Variants in TPRG1 observed in about 807,000 individuals in gnomAD.
The protein encoded by TPRG1 is tumor protein p63 regulated 1, also known as tumor protein p63-regulated gene 1 protein.
Under a neutral mutation model 29.3 loss-of-function variants are expected in TPRG1, and 29 were observed. The ratio of observed to expected loss-of-function variants is 0.99; its 90% CI spans 0.74 to 1.35. TPRG1 has a LOEUF of 1.35. Ranked by LOEUF, TPRG1 falls within the 40% of genes most tolerant of loss-of-function variation. TPRG1 has a pLI of 0.00. For missense variants in TPRG1, 327 were observed against 335.0 expected (o/e 0.98, Z 0.19); for synonymous variants, 130 against 116.8 (o/e 1.11, Z -0.73).
intron 1 of TPRG1, among the ~76,000 whole-genome samples, chr3:189,201,635 A>T (rs1212522400): frequency 6.6e-6 from 1 of 152,058 alleles, no homozygotes; most frequent in South Asian, 2.1e-4. Flanking sequence ...CCTTTTTGTT[A>T]TACTCAAATT....
intron 4 of TPRG1, among the ~76,000 whole-genome samples, chr3:189,031,183 C>T (rs934938750): frequency 1.3e-5 from 2 of 151,920 alleles, no homozygotes; most frequent in East Asian, 1.9e-4. Flanking sequence ...CCCAGCTGCT[C>T]GGGAGGCTGA....
At chr3:189,149,553 G>A (rs1380083877) in intron 4 of TPRG1, among the ~76,000 whole-genome samples, 2 of 152,194 alleles carry the variant, frequency 1.3e-5, no homozygotes, top group Non-Finnish European at 2.9e-5. Flanking sequence ...CCCCTGATGG[G>A]CAAAGACTGT....
intron 5 of TPRG1, among the ~76,000 whole-genome samples, chr3:189,312,167 T>C (rs187779915): frequency 0.064 from 4,643 of 72,388 alleles, 432 homozygotes; most frequent in East Asian, 0.13. Flanking sequence ...CTTTCTTTCT[T>C]TCTTTCTTTC....
At chr3:189,290,210 A>G (rs1209904585) in intron 4 of TPRG1, among the ~76,000 whole-genome samples, 1 of 152,178 alleles carries the variant, frequency 6.6e-6, no homozygotes, top group Admixed American at 6.5e-5. Flanking sequence ...ATCTATTTCT[A>G]GATTTCACTT....
intron 3 of TPRG1, among the ~76,000 whole-genome samples, chr3:189,010,027 T>C (rs1211954516): frequency 2.0e-5 from 3 of 152,154 alleles, no homozygotes; most frequent in African/African-American, 7.2e-5. Flanking sequence ...CTCCCACTTA[T>C]AAGTGAGAAC....
At chr3:189,228,061 CA>C (rs1738042847) in intron 3 of TPRG1, among the ~76,000 whole-genome samples, 1 of 152,132 alleles carries the variant, frequency 6.6e-6, no homozygotes, top group Non-Finnish European at 1.5e-5. Context: ...GCGGAGGTTG[CA>C]GTGAGTCGAG....
At chr3:189,015,482 A>C (rs1306286196) in intron 3 of TPRG1, among the ~76,000 whole-genome samples, 1 of 152,222 alleles carries the variant, frequency 6.6e-6, no homozygotes, top group African/African-American at 2.4e-5. Context: ...AGAAATTTGC[A>C]TAAGTAAAGA....
At chr3:189,052,727 T>C (rs1715405026) in intron 4 of TPRG1, among the ~76,000 whole-genome samples, 1 of 150,484 alleles carries the variant, frequency 6.6e-6, no homozygotes, top group Non-Finnish European at 1.5e-5. Context: ...AAAGAAACTA[T>C]TATATATATA....
intron 3 of TPRG1, among the ~76,000 whole-genome samples, chr3:189,145,359 T>TAAAAAAAAAAA (rs58210295): frequency 1.1e-4 from 12 of 107,386 alleles, no homozygotes; most frequent in Non-Finnish European, 1.9e-4. Context: ...AGACTCCATC[T>TAAAAAAAAAAA]AAAAAAAAAA....
intron 4 of TPRG1, among the ~76,000 whole-genome samples, chr3:189,076,536 T>G (rs901843991): frequency 5.9e-5 from 9 of 152,166 alleles, no homozygotes; most frequent in African/African-American, 1.9e-4. Context: ...AGACTGTTTT[T>G]TTTTTTACAA....
chr3:189,182,845 T>C lies in TPRG1; in HGVS notation c.-10+10714T>C, dbSNP rs1730411963. Among the ~76,000 whole-genome samples, 4 of 152,312 alleles carry C rather than the reference T, an allele frequency of 2.6e-5. No homozygotes were observed. In the South Asian group the frequency reaches 8.3e-4, roughly 32 times the overall value. The stretch of plus-strand genomic sequence containing the variant: ...ATAATAATTATATATCTTTATGGTG[T>C]ACAATGTGATGTTTTGACATATGTA... On this transcript the variant is annotated intron_variant, in intron 1 of 5. Coordinates refer to ENST00000345063, the MANE Select transcript of TPRG1 (RefSeq NM_198485.4).
At chr3:189,151,000 G>T (rs1204750901) in intron 5 of TPRG1, 1 of 152,118 alleles carries the variant, frequency 6.6e-6, no homozygotes, top group Admixed American at 6.5e-5. Context: ...ATTGACCCCC[G>T]AGGATCTTCC....
chr3:189,068,627 T>A (rs1021542495), intron 4 of TPRG1, among the ~76,000 whole-genome samples: 1 of 152,102 alleles, frequency 6.6e-6, no homozygotes, highest in African/African-American at 2.4e-5. Context: ...ATATAAAAAA[T>A]TAGCCAGGCG....
chr3:189,062,472 G>A (rs920355279), intron 4 of TPRG1, among the ~76,000 whole-genome samples: 2 of 151,844 alleles, frequency 1.3e-5, no homozygotes, highest in Admixed American at 6.6e-5. Flanking sequence ...TAATTTTTTT[G>A]GACTGTTAGG....
At chr3:189,093,463 G>A (rs1382081974) in intron 4 of TPRG1, among the ~76,000 whole-genome samples, 2 of 152,196 alleles carry the variant, frequency 1.3e-5, no homozygotes, top group Admixed American at 6.5e-5. Context: ...TTATTGGAGA[G>A]ACATCTTGTT....
intron 4 of TPRG1, among the ~76,000 whole-genome samples, chr3:189,283,996 T>G (rs1361370609): frequency 6.6e-6 from 1 of 152,156 alleles, no homozygotes; most frequent in African/African-American, 2.4e-5. Flanking sequence ...ATTACCAGAT[T>G]GTATGAAAAT....
intron 3 of TPRG1, among the ~76,000 whole-genome samples, chr3:189,232,427 T>C (rs1014282705): frequency 2.0e-5 from 3 of 152,220 alleles, no homozygotes; most frequent in African/African-American, 7.2e-5. Context: ...ATCGAATAGA[T>C]ACATGGAGTA....
At chr3:189,007,531 G>A (rs1371487605) in intron 3 of TPRG1, among the ~76,000 whole-genome samples, 2 of 151,590 alleles carry the variant, frequency 1.3e-5, no homozygotes, top group African/African-American at 2.4e-5. Flanking sequence ...ATTTGACCCA[G>A]CCATCCCATT....
intron 4 of TPRG1, among the ~76,000 whole-genome samples, chr3:189,259,565 T>C (rs1468712891): frequency 6.7e-6 from 1 of 149,324 alleles, no homozygotes; most frequent in Non-Finnish European, 1.5e-5. Flanking sequence ...ACCTCCTGGG[T>C]TCAAGTGACT....
Sources: gnomAD v4.1 joint callset for allele counts (sites outside exome capture counted in the v4.1 genomes callset) on GRCh38, gnomAD v4.1.1 for gene constraint, MANE v1.5 for transcripts, NCBI Gene and HGNC (gene_info 2026-07-23, HGNC 2026-07-21) for gene names.